Variants in PHACTR1 observed in about 807,000 individuals in gnomAD.
The protein encoded by PHACTR1 is RPEL repeat containing 1.
A neutral mutation model predicts 69.2 loss-of-function variants in PHACTR1; 16 were observed. The ratio of observed to expected loss-of-function variants is 0.23; its 90% CI spans 0.16 to 0.35. The LOEUF is 0.35. PHACTR1 is among the 10% of genes least tolerant of loss of function. PHACTR1 has a pLI of 1.00. For synonymous variants in PHACTR1, 312 were observed against 284.5 expected, an observed-to-expected ratio of 1.10 and a Z score of -0.97; for missense variants, 510 against 734.7, an observed-to-expected ratio of 0.69 and a Z score of 3.54.
intron 4 of PHACTR1, among the ~76,000 whole-genome samples, chr6:12,751,730 GAAAT>G (rs1178031613): frequency 6.6e-6 from 1 of 152,154 alleles, no homozygotes; most frequent in East Asian, 1.9e-4. Context: ...GTTTCATCTG[GAAAT>G]AAATAAGCCA....
chr6:12,985,547 T>A (rs1039524168), intron 4 of PHACTR1, among the ~76,000 whole-genome samples: 11 of 145,896 alleles, frequency 7.5e-5, no homozygotes, highest in African/African-American at 2.7e-4. Context: ...AAAAAATATA[T>A]ATATATATAT....
At chr6:12,735,759 A>G (rs748060933) in intron 3 of PHACTR1, among the ~76,000 whole-genome samples, 3 of 152,246 alleles carry the variant, frequency 2.0e-5, no homozygotes, top group Non-Finnish European at 1.5e-5. Flanking sequence ...GCTGGCTTCC[A>G]TCTCTTTGGG....
intron 4 of PHACTR1, among the ~76,000 whole-genome samples, chr6:12,760,144 G>A (rs1236778937): frequency 6.6e-6 from 1 of 152,104 alleles, no homozygotes; most frequent in Non-Finnish European, 1.5e-5. Context: ...TATTCCTCCA[G>A]GATTCTACCA....
chr6:13,099,276 A>G (rs1377177191), intron 5 of PHACTR1, among the ~76,000 whole-genome samples: 1 of 152,220 alleles, frequency 6.6e-6, no homozygotes, highest in African/African-American at 2.4e-5. Context: ...TCACCATCAT[A>G]TGTCTCCTCT....
chr6:13,204,130 A>C (rs1289768836), intron 7 of PHACTR1, among the ~76,000 whole-genome samples: 1 of 152,164 alleles, frequency 6.6e-6, no homozygotes, highest in Non-Finnish European at 1.5e-5. Flanking sequence ...ATAGAGGTAC[A>C]ATGTGGACAT....
At chr6:13,264,155 A>T (rs1251566266) in intron 10 of PHACTR1, among the ~76,000 whole-genome samples, 2 of 152,136 alleles carry the variant, frequency 1.3e-5, no homozygotes, top group African/African-American at 4.8e-5. Context: ...ATCAATTGGG[A>T]ACTCTTCTAT....
At chr6:12,786,094 G>C (rs1771510329) in intron 4 of PHACTR1, among the ~76,000 whole-genome samples, 1 of 152,190 alleles carries the variant, frequency 6.6e-6, no homozygotes, top group Non-Finnish European at 1.5e-5. Context: ...ATAGTGATTA[G>C]AAAGACTGCA....
At chr6:13,136,167 A>G (rs1354679228) in intron 5 of PHACTR1, among the ~76,000 whole-genome samples, 1 of 151,926 alleles carries the variant, frequency 6.6e-6, no homozygotes, top group Non-Finnish European at 1.5e-5. Context: ...ACCCAAAAGT[A>G]TTCTATAAAA....
chr6:12,756,404 G>A (rs779546391), intron 4 of PHACTR1, among the ~76,000 whole-genome samples: 1 of 152,146 alleles, frequency 6.6e-6, no homozygotes, highest in Non-Finnish European at 1.5e-5. Flanking sequence ...ATTTCGGGGT[G>A]GGGGAGTGGG....
intron 5 of PHACTR1, among the ~76,000 whole-genome samples, chr6:13,090,391 A>C (rs1411381268): frequency 6.6e-6 from 1 of 150,404 alleles, no homozygotes; most frequent in East Asian, 2.0e-4. Flanking sequence ...GTTCTTTAGT[A>C]GTTGGCTTAC....
chr6:12,819,411 C>T (rs1358178066), intron 4 of PHACTR1, among the ~76,000 whole-genome samples: 1 of 152,136 alleles, frequency 6.6e-6, no homozygotes, highest in African/African-American at 2.4e-5. Flanking sequence ...GTCTGAGTCT[C>T]TCATATATTT....
intron 4 of PHACTR1, among the ~76,000 whole-genome samples, chr6:12,929,381 G>C (rs1788628329): frequency 6.6e-6 from 1 of 152,088 alleles, no homozygotes; most frequent in Non-Finnish European, 1.5e-5. Flanking sequence ...CTCTGCTTTG[G>C]AGCACCTGAC....
Position 13,283,223 on chromosome 6 carries a change from G to C in PHACTR1, c.1510-199G>C. 2 of 572,220 alleles carry C rather than the reference G, an allele frequency of 3.5e-6. No homozygotes were observed. Among genetic ancestry groups the C allele is most frequent in the Non-Finnish European group, 6.0e-6 (2 of 330,922 alleles). 35.4% of individuals were successfully genotyped at this position (572,220 alleles called of 1,614,324 possible). On this transcript the variant is annotated intron_variant, in intron 12 of 14. Coordinates refer to ENST00000332995, the MANE Select transcript of PHACTR1 (RefSeq NM_030948.6). The surrounding 1 kb of genome is among the most constrained non-coding windows in gnomAD (Gnocchi z 4.7). ...TAACAAAGCTCTCTCTTAGGACCTAGAAACGTCCCACTCCCAAGAGTCAGG... is the reference window on the plus strand; with the variant it reads ...TAACAAAGCTCTCTCTTAGGACCTACAAACGTCCCACTCCCAAGAGTCAGG...
chr6:12,954,129 C>T (rs1240757536), intron 4 of PHACTR1, among the ~76,000 whole-genome samples: 1 of 152,000 alleles, frequency 6.6e-6, no homozygotes, highest in East Asian at 1.9e-4. Context: ...ACATTCCAGG[C>T]AGACGAAACA....
chr6:12,751,987 C>T (rs1386093197), intron 4 of PHACTR1, among the ~76,000 whole-genome samples: 1 of 152,100 alleles, frequency 6.6e-6, no homozygotes. Flanking sequence ...GATGGAATCC[C>T]GAAGAAAATG....
At chr6:12,721,888 A>T (rs1019039268) in intron 3 of PHACTR1, among the ~76,000 whole-genome samples, 3 of 152,216 alleles carry the variant, frequency 2.0e-5, no homozygotes, top group Admixed American at 6.5e-5. Flanking sequence ...CCAGATGCAC[A>T]CATTGGCCGG....
At chr6:13,156,687 C>CTAGCATCG (rs1758225307) in intron 5 of PHACTR1, among the ~76,000 whole-genome samples, 1 of 152,208 alleles carries the variant, frequency 6.6e-6, no homozygotes. Context: ...TTGGATGTGG[C>CTAGCATCG]TAGCATCGAA....
intron 6 of PHACTR1, among the ~76,000 whole-genome samples, chr6:13,174,228 C>T (rs1243921440): frequency 2.6e-5 from 4 of 152,230 alleles, no homozygotes; most frequent in Non-Finnish European, 5.9e-5. Flanking sequence ...ACATGCTGAA[C>T]AGCAGCTCTT....
chr6:12,916,436 T>C (rs978985528), intron 4 of PHACTR1, among the ~76,000 whole-genome samples: 4 of 152,220 alleles, frequency 2.6e-5, no homozygotes, highest in African/African-American at 9.7e-5. Flanking sequence ...CAGCTAGTTA[T>C]TTTTCTCTCT....
Sources: allele counts gnomAD v4.1 joint callset (sites outside exome capture counted in the v4.1 genomes callset), GRCh38; gene constraint gnomAD v4.1.1; non-coding constraint Gnocchi (gnomAD v3.1); transcripts MANE v1.5; gene names NCBI Gene and HGNC (gene_info 2026-07-23, HGNC 2026-07-21).